SYNPO2: variants seen among roughly 807,000 people sequenced by gnomAD.
The protein encoded by SYNPO2 is synaptopodin-2.
A neutral mutation model predicts 85.0 loss-of-function variants in SYNPO2; 56 were observed. The ratio of observed to expected loss-of-function variants is 0.66; its 90% CI spans 0.53 to 0.82. The LOEUF (loss-of-function observed/expected upper bound fraction) is 0.82, where lower values mean the gene tolerates loss of function less well. SYNPO2 is among the 40% of genes least tolerant of loss of function. SYNPO2 has a pLI of 0.00. For missense variants in SYNPO2, 1,575 were observed against 1,534.2 expected, an observed-to-expected ratio of 1.03 and a Z score of -0.44; for synonymous variants, 602 against 591.1, an observed-to-expected ratio of 1.02 and a Z score of -0.27.
chr4:118,952,711 T>G (rs1734742042), intron 1 of SYNPO2, among the ~76,000 whole-genome samples: 1 of 152,174 alleles, frequency 6.6e-6, no homozygotes. Context: ...AGTAGGTACT[T>G]CATTCATCAT....
intron 1 of SYNPO2, among the ~76,000 whole-genome samples, chr4:118,971,637 G>C (rs1735544763): frequency 6.6e-6 from 1 of 152,240 alleles, no homozygotes; most frequent in Non-Finnish European, 1.5e-5. Flanking sequence ...GGGCCTGCTA[G>C]GGCAGGGTTT....
At chr4:119,046,713 C>A (rs1245021590) in intron 4 of SYNPO2, among the ~76,000 whole-genome samples, 1 of 152,204 alleles carries the variant, frequency 6.6e-6, no homozygotes, top group Non-Finnish European at 1.5e-5. Flanking sequence ...TCCCATCTTA[C>A]AATTAAGGAA....
At chr4:118,882,911 A>AGGCGCCC (rs1441538218) in intron 1 of SYNPO2, among the ~76,000 whole-genome samples, 3 of 151,950 alleles carry the variant, frequency 2.0e-5, no homozygotes, top group Non-Finnish European at 2.9e-5. Context: ...CTGGGACTAC[A>AGGCGCCC]GCCACCACGC....
intron 1 of SYNPO2, among the ~76,000 whole-genome samples, chr4:118,869,553 A>T (rs1378707335): frequency 2.6e-5 from 4 of 152,186 alleles, no homozygotes; most frequent in Non-Finnish European, 5.9e-5. Flanking sequence ...CCATGATTGC[A>T]TTCAGTTAAC....
chr4:118,995,008 C>T (rs1736536507), intron 1 of SYNPO2, among the ~76,000 whole-genome samples: 3 of 152,148 alleles, frequency 2.0e-5, no homozygotes, highest in Admixed American at 2.0e-4. Flanking sequence ...AATGAAAGGA[C>T]ATACAAACAA....
intron 1 of SYNPO2, among the ~76,000 whole-genome samples, chr4:119,016,167 A>G (rs998229412): frequency 1.3e-5 from 2 of 152,190 alleles, no homozygotes; most frequent in African/African-American, 4.8e-5. Context: ...TCTTATTAGC[A>G]TGTTAATTTC....
intron 1 of SYNPO2, among the ~76,000 whole-genome samples, chr4:118,900,703 CTA>C (rs373144800): frequency 0.023 from 1,024 of 43,688 alleles, 9 homozygotes; most frequent in Middle Eastern, 0.059. Context: ...CTCTCTCTCT[CTA>C]TATATATATA....
intron 1 of SYNPO2, among the ~76,000 whole-genome samples, chr4:118,935,072 G>C (rs1203588663): frequency 1.3e-5 from 2 of 152,056 alleles, no homozygotes; most frequent in African/African-American, 4.8e-5. Context: ...ATATTAAAAA[G>C]TTTAGAATAC....
chr4:118,920,041 C>T (rs1312515719), intron 1 of SYNPO2, among the ~76,000 whole-genome samples: 1 of 152,086 alleles, frequency 6.6e-6, no homozygotes, highest in African/African-American at 2.4e-5. Flanking sequence ...ATAAAATTAT[C>T]ATTTTAGTAT....
At chr4:118,976,320 G>T (rs912359305) in intron 1 of SYNPO2, among the ~76,000 whole-genome samples, 1 of 152,090 alleles carries the variant, frequency 6.6e-6, no homozygotes, top group Non-Finnish European at 1.5e-5. Flanking sequence ...CATTCCTCCC[G>T]CTGGGCTCGT....
intron 3 of SYNPO2, among the ~76,000 whole-genome samples, chr4:119,028,561 C>T (rs1404101977): frequency 6.6e-6 from 1 of 151,986 alleles, no homozygotes; most frequent in East Asian, 1.9e-4. Flanking sequence ...CTGTGACTGT[C>T]AATTTAATAA....
intron 1 of SYNPO2, among the ~76,000 whole-genome samples, chr4:118,862,980 T>A (rs1267504485): frequency 1.3e-5 from 2 of 152,126 alleles, no homozygotes; most frequent in East Asian, 3.9e-4. Flanking sequence ...CTGGCTAATT[T>A]TTGTATTTTT....
Position 119,030,384 on chromosome 4 carries a change from C to G in SYNPO2, c.1609C>G (p.Gln537Glu). ...TGGCCTGAGAACCACGACTTCTTAC[C>G]AAAGAAAGGAGGAAGAGTCGGTAAG... Reference protein sequence around the residue: ...TDGLRTTTSYQRKEEESVRTQ... With the variant: ...TDGLRTTTSYERKEEESVRTQ... The change falls in exon 4 of 5, where the codon CAA becomes GAA. Residue 537 changes from glutamine to glutamate, a missense_variant. By Grantham distance (29) the Gln-to-Glu change is conservative (BLOSUM62 2). Transcript: ENST00000307142. 6.2e-7 allele frequency: 1 copy of G among 1,614,054 alleles called. No homozygotes were observed. The highest frequency in any genetic ancestry group is 2.2e-5 in the East Asian group (1 of 44,870).
chr4:118,953,226 C>A (rs900460823), intron 1 of SYNPO2, among the ~76,000 whole-genome samples: 6 of 152,130 alleles, frequency 3.9e-5, no homozygotes, highest in Non-Finnish European at 8.8e-5. Flanking sequence ...ATGTTGAGAG[C>A]TTAGAGAACA....
At chr4:119,038,336 C>T in intron 4 of SYNPO2, 1 of 984,298 alleles carries the variant, frequency 1.0e-6, no homozygotes, top group Non-Finnish European at 1.2e-6. Context: ...AAGTGAAAAC[C>T]CATCTCTGAG....
intron 4 of SYNPO2, among the ~76,000 whole-genome samples, chr4:119,046,817 T>C (rs1221394484): frequency 6.6e-6 from 1 of 152,196 alleles, no homozygotes; most frequent in Admixed American, 6.5e-5. Flanking sequence ...TTCCTTCCAA[T>C]ATAAGATGCT....
intron 1 of SYNPO2, among the ~76,000 whole-genome samples, chr4:118,907,220 C>T (rs536237345): frequency 7.9e-5 from 12 of 152,192 alleles, no homozygotes; most frequent in African/African-American, 2.4e-4. Flanking sequence ...TTTTAAAAAA[C>T]GTCATTAACA....
At chr4:118,952,171 C>G (rs1734723924) in intron 1 of SYNPO2, among the ~76,000 whole-genome samples, 1 of 152,146 alleles carries the variant, frequency 6.6e-6, no homozygotes, top group African/African-American at 2.4e-5. Context: ...CCTTGCACTA[C>G]TTTGAAGATT....
At chr4:118,899,569 G>A (rs1311065420) in intron 1 of SYNPO2, among the ~76,000 whole-genome samples, 1 of 152,046 alleles carries the variant, frequency 6.6e-6, no homozygotes, top group South Asian at 2.1e-4. Context: ...ATATGCAGGT[G>A]CACACTGAAG....
Sources: gnomAD v4.1 joint callset for allele counts (sites outside exome capture counted in the v4.1 genomes callset) on GRCh38, gnomAD v4.1.1 for gene constraint, MANE v1.5 for transcripts, NCBI Gene and HGNC (gene_info 2026-07-23, HGNC 2026-07-21) for gene names.